The following RAB27A variants were observed in gnomAD, a reference collection of about 807,000 sequenced individuals.
RAB27A encodes ras-related protein Rab-27A.
RAB27A carries 17 observed loss-of-function variants against 20.8 expected under a neutral mutation model. That is an observed-to-expected ratio of 0.82 (90% CI 0.56 to 1.23). The LOEUF (loss-of-function observed/expected upper bound fraction) is 1.23. RAB27A is among the 50% of genes most tolerant of loss of function. The pLI is 0.00. For synonymous variants in RAB27A, 85 were observed against 92.8 expected (o/e 0.92, Z 0.48); for missense variants, 277 against 266.7 (o/e 1.04, Z -0.27).
intron 2 of RAB27A, among the ~76,000 whole-genome samples, chr15:55,301,615 C>T (rs1459311315): frequency 2.0e-5 from 3 of 148,796 alleles, no homozygotes; most frequent in Non-Finnish European, 3.0e-5. Context: ...CCACTATCTA[C>T]TTCCAGAACA....
chr15:55,286,526 C>T (rs890926456), intron 1 of RAB27A, among the ~76,000 whole-genome samples: 4 of 152,030 alleles, frequency 2.6e-5, no homozygotes, highest in African/African-American at 9.7e-5. Flanking sequence ...TGACTTTTCA[C>T]CTGAATGAAA....
chr15:55,314,700 C>T (rs1003732601), intron 1 of RAB27A, among the ~76,000 whole-genome samples: 1 of 152,156 alleles, frequency 6.6e-6, no homozygotes, highest in Non-Finnish European at 1.5e-5. Context: ...AGGGATACAA[C>T]TTACAAGGGA....
chr15:55,304,000 G>A (rs887543578), intron 2 of RAB27A, among the ~76,000 whole-genome samples: 2 of 151,282 alleles, frequency 1.3e-5, no homozygotes, highest in African/African-American at 4.9e-5. Flanking sequence ...GGATGACAAT[G>A]GCGGCTTTGT....
At chr15:55,228,422 A>G (rs1895894348) in intron 5 of RAB27A, among the ~76,000 whole-genome samples, 187 bp downstream of exon 5, 1 of 152,232 alleles carries the variant, frequency 6.6e-6, no homozygotes, top group East Asian at 1.9e-4. Flanking sequence ...AATCAAAGTT[A>G]TCAGTACCAG....
intron 2 of RAB27A, among the ~76,000 whole-genome samples, chr15:55,295,588 CA>C (rs1222868782): frequency 1.3e-5 from 2 of 152,146 alleles, no homozygotes; most frequent in Non-Finnish European, 2.9e-5. Context: ...TGAAAGAAGT[CA>C]AACACAGAAG....
At chr15:55,219,722 G>A (rs1595682787) in intron 6 of RAB27A, among the ~76,000 whole-genome samples, 1 of 152,188 alleles carries the variant, frequency 6.6e-6, no homozygotes, top group African/African-American at 2.4e-5. Context: ...CAGTAACCAT[G>A]TGAACTGTAA....
rs192765574 is a variant in RAB27A at position 55,220,505 on chromosome 15, C to T, written c.467+3384G>A. Among the ~76,000 whole-genome samples the T allele has an allele frequency of 2.5e-3, 385 of 152,032 alleles. 4 individuals carry two copies. The highest frequency in any genetic ancestry group is 8.7e-3 in the African/African-American group (362 of 41,486). ...AGGCTGGTCTAGAACTCCTGACCTC[C>T]GGTGATCCACCTGCCTTGGCCTCCC... On this transcript the variant is annotated intron_variant, in intron 6 of 6. Transcript: ENST00000336787.
intron 1 of RAB27A, chr15:55,317,060 A>C (rs2055049738): frequency 2.0e-5 from 3 of 152,242 alleles, no homozygotes; most frequent in Admixed American, 2.0e-4. Context: ...AATTCCTAGA[A>C]AAATAAACCT....
chr15:55,228,492 T>C (rs907698468), intron 5 of RAB27A, 117 bp downstream of exon 5: 1 of 810,012 alleles, frequency 1.2e-6, no homozygotes. Flanking sequence ...CTCCTTAAAA[T>C]AGTATTTGCA....
At chr15:55,230,310 G>A in intron 4 of RAB27A, 91 bp downstream of exon 4, 2 of 1,251,194 alleles carry the variant, frequency 1.6e-6, no homozygotes, top group Non-Finnish European at 2.3e-6. Flanking sequence ...CAACGAATTG[G>A]CTGGCTTTTT....
intron 6 of RAB27A, among the ~76,000 whole-genome samples, chr15:55,208,023 T>C (rs1894735895): frequency 6.6e-6 from 1 of 152,230 alleles, no homozygotes; most frequent in African/African-American, 2.4e-5. Flanking sequence ...CACTGGATAG[T>C]GCAGCCCTAG....
intron 1 of RAB27A, among the ~76,000 whole-genome samples, chr15:55,273,252 C>CA (rs1035279007): frequency 1.3e-5 from 2 of 150,924 alleles, no homozygotes; most frequent in East Asian, 1.9e-4. Flanking sequence ...ACTAAAAATA[C>CA]AAAAAAATTA....
intron 6 of RAB27A, among the ~76,000 whole-genome samples, chr15:55,219,988 G>A (rs193054816): frequency 1.3e-3 from 198 of 151,752 alleles, no homozygotes; most frequent in African/African-American, 4.5e-3. Flanking sequence ...GAAAATTAGC[G>A]GTAGACTCTT....
At chr15:55,303,904 C>T (rs1213832227) in intron 2 of RAB27A, among the ~76,000 whole-genome samples, 4 of 146,264 alleles carry the variant, frequency 2.7e-5, no homozygotes, top group Admixed American at 1.3e-4. Context: ...TCTGCCCGGC[C>T]GCCCCTACTG....
At chr15:55,273,591 G>A (rs1260999597) in intron 1 of RAB27A, among the ~76,000 whole-genome samples, 1 of 151,970 alleles carries the variant, frequency 6.6e-6, no homozygotes, top group Non-Finnish European at 1.5e-5. Context: ...AAAGAAAGCA[G>A]GGGTGACTAT....
chr15:55,296,543 A>G (rs111861755), intron 2 of RAB27A, among the ~76,000 whole-genome samples: 17 of 152,292 alleles, frequency 1.1e-4, no homozygotes, highest in African/African-American at 3.6e-4. Flanking sequence ...TTGGTCTGGG[A>G]AGGAAAAAGA....
At chr15:55,247,286 T>C (rs1896723993) in intron 2 of RAB27A, among the ~76,000 whole-genome samples, 3 of 151,690 alleles carry the variant, frequency 2.0e-5, no homozygotes, top group African/African-American at 7.3e-5. Flanking sequence ...CCACCAAACT[T>C]GTGGGCCCAA....
At chr15:55,296,162 G>A (rs181414025) in intron 2 of RAB27A, among the ~76,000 whole-genome samples, 253 of 151,198 alleles carry the variant, frequency 1.7e-3, no homozygotes, top group Middle Eastern at 3.4e-3. Flanking sequence ...CCAAAGTGCT[G>A]GGATTACAGG....
At chr15:55,305,612 C>T (rs1221670538) in intron 2 of RAB27A, among the ~76,000 whole-genome samples, 2 of 152,182 alleles carry the variant, frequency 1.3e-5, no homozygotes, top group African/African-American at 2.4e-5. Context: ...CTCTGCTCTA[C>T]GTTGTATTTG....
Sources: allele counts gnomAD v4.1 joint callset (sites outside exome capture counted in the v4.1 genomes callset), GRCh38; gene constraint gnomAD v4.1.1; transcripts MANE v1.5; gene names NCBI Gene and HGNC (gene_info 2026-07-23, HGNC 2026-07-21).